PTPRB: variants seen among roughly 807,000 people sequenced by gnomAD.
PTPRB encodes protein tyrosine phosphatase receptor type B.
Under a neutral mutation model 238.1 loss-of-function variants are expected in PTPRB, and 97 were observed. That is an observed-to-expected ratio of 0.41 (90% CI 0.35 to 0.48). PTPRB has a LOEUF of 0.48. Among genes scored for constraint, PTPRB ranks in the 20% least tolerant of loss-of-function variants. The probability of loss-of-function intolerance (pLI) is 0.30; values close to 1 mark genes in which losing one functional copy is unlikely to be tolerated. For missense variants in PTPRB, 2,292 were observed against 2,681.9 expected (o/e 0.85, Z 3.21); for synonymous variants, 970 against 995.4 (o/e 0.97, Z 0.48).
chr12:70,631,123 C>T (rs1310074280), intron 2 of PTPRB, among the ~76,000 whole-genome samples: 1 of 152,132 alleles, frequency 6.6e-6, no homozygotes, highest in East Asian at 1.9e-4. Flanking sequence ...ATAGCCAAGA[C>T]AATCCTAAGC....
chr12:70,555,498 G>C (rs970766578), intron 19 of PTPRB, among the ~76,000 whole-genome samples, 189 bp from the exon 20 acceptor site: 1 of 152,194 alleles, frequency 6.6e-6, no homozygotes, highest in African/African-American at 2.4e-5. Context: ...CAGAGGAAGT[G>C]ATTTGCCAGT....
chr12:70,620,048 CTG>C (rs1884858559), intron 3 of PTPRB, among the ~76,000 whole-genome samples: 1 of 152,182 alleles, frequency 6.6e-6, no homozygotes, highest in African/African-American at 2.4e-5. Flanking sequence ...ATTGTAGAAA[CTG>C]TCTTTTGAAA....
rs1879978227 is a variant in PTPRB at position 70,571,060 on chromosome 12, A to G, written c.3336T>C (p.Asp1112=). The change falls in exon 13 of 34, where the codon GAT becomes GAC. Residue 1112 remains aspartate, a synonymous_variant. Coordinates refer to ENST00000334414, the MANE Select transcript of PTPRB (RefSeq NM_001109754.4). ...YKILVLTISG[D]VQQSAFIEGF... Reference sequence around the variant, plus strand: ...CCTCAATGAAGGCTGACTGCTGTACATCCCCGCTAATCGTCAAGACAAGAA... The same window carrying G: ...CCTCAATGAAGGCTGACTGCTGTACGTCCCCGCTAATCGTCAAGACAAGAA... 1.2e-6 allele frequency: 2 copies of G among 1,614,016 alleles called. No homozygotes were observed. The highest frequency in any genetic ancestry group is 1.1e-5 in the South Asian group (1 of 91,080).
intron 2 of PTPRB, among the ~76,000 whole-genome samples, chr12:70,634,134 T>C (rs1885579551): frequency 1.3e-5 from 2 of 152,212 alleles, no homozygotes; most frequent in Admixed American, 6.5e-5. Flanking sequence ...ATACCACTTA[T>C]TGTAGAAAAG....
chr12:70,603,313 T>C (rs117659714), intron 4 of PTPRB, among the ~76,000 whole-genome samples: 4,406 of 152,300 alleles, frequency 0.029, 97 homozygotes, highest in Non-Finnish European at 0.042. Context: ...CAGAGATCAA[T>C]AGTGACTCGC....
intron 13 of PTPRB, among the ~76,000 whole-genome samples, chr12:70,570,143 G>A (rs928783881): frequency 6.6e-6 from 1 of 152,130 alleles, no homozygotes; most frequent in Non-Finnish European, 1.5e-5. Flanking sequence ...CAAAGCCGGT[G>A]AGTGGAAATG....
intron 9 of PTPRB, among the ~76,000 whole-genome samples, 152 bp downstream of exon 9, chr12:70,586,855 A>G (rs1478576733): frequency 6.6e-6 from 1 of 152,242 alleles, no homozygotes; most frequent in Non-Finnish European, 1.5e-5. Flanking sequence ...AAGAACTGCA[A>G]TTGGTAAAAT....
In PTPRB at chr12:70,539,638, G is replaced by T. The variant is rs724159872; in HGVS notation, c.5765C>A (p.Ser1922Tyr). 6.4e-7 allele frequency: 1 copy of T among 1,564,058 alleles called. No homozygotes were observed. Among genetic ancestry groups the T allele is most frequent in the Non-Finnish European group, 8.7e-7 (1 of 1,146,588 alleles). ...CCTGAGTTGTACCTCGTATTCCTTG[G>T]ATAGAAGGTAGTTGGAGTCAGCCTG... ...KLQADSNYLL[S>Y]KEYEELKDVG... The change falls in exon 26 of 34, where the codon TCC becomes TAC. Residue 1922 changes from serine to tyrosine, a missense_variant. This residue lies in a region of PTPRB where 397 missense variants were observed against 502.0 expected (regional missense o/e 0.79). Transcript: ENST00000334414.
intron 4 of PTPRB, among the ~76,000 whole-genome samples, chr12:70,606,054 CA>C (rs1883915905): frequency 6.6e-6 from 1 of 152,100 alleles, no homozygotes; most frequent in Non-Finnish European, 1.5e-5. Context: ...TGAGAATTGC[CA>C]AATATCTTGT....
intron 2 of PTPRB, among the ~76,000 whole-genome samples, chr12:70,633,569 T>C (rs1030626154): frequency 3.9e-5 from 6 of 152,366 alleles, no homozygotes; most frequent in South Asian, 4.1e-4. Context: ...GTTATACTTA[T>C]GTGTACTCAA....
chr12:70,623,354 AC>A (rs1252977609), intron 2 of PTPRB, among the ~76,000 whole-genome samples: 5 of 152,310 alleles, frequency 3.3e-5, no homozygotes, highest in East Asian at 1.9e-4. Flanking sequence ...ATTAAAAAAA[AC>A]ATACTGGTTC....
intron 3 of PTPRB, among the ~76,000 whole-genome samples, chr12:70,620,121 GA>G (rs910027453): frequency 1.3e-5 from 2 of 152,150 alleles, no homozygotes; most frequent in Non-Finnish European, 2.9e-5. Flanking sequence ...TAAGCTTCAA[GA>G]AAAAAACTGG....
chr12:70,601,877 C>G (rs11178320), intron 4 of PTPRB, among the ~76,000 whole-genome samples: 32,096 of 148,792 alleles, frequency 0.22, 3,579 homozygotes, highest in East Asian at 0.28. Context: ...CTGCAAGCTC[C>G]GCCTCCCAGG....
intron 3 of PTPRB, among the ~76,000 whole-genome samples, chr12:70,610,332 C>G (rs1884363815): frequency 6.6e-6 from 1 of 152,108 alleles, no homozygotes; most frequent in Non-Finnish European, 1.5e-5. Context: ...CTGTGGTTCT[C>G]GACCCAGTCG....
At position 70,540,270 on chromosome 12, in the gene PTPRB, A is replaced by G; in HGVS notation, c.5595-248T>C. The G allele has an allele frequency of 7.5e-6, 3 of 398,950 alleles. No individual in the cohort carries two copies. In the East Asian group the frequency reaches 1.1e-4, roughly 15 times the overall value. The allele number at this position is 398,950 out of a possible 1,614,324, so 24.7% of individuals were successfully genotyped here. On this transcript the variant is annotated intron_variant, in intron 23 of 33. Coordinates refer to ENST00000334414, the MANE Select transcript of PTPRB (RefSeq NM_001109754.4). ...TGGTTTTTGGCTACAGGTTATAATC[A>G]CTTCCCACATTCTCAATAAAACTTT...
chr12:70,558,174 T>C (rs1402026328), intron 18 of PTPRB, among the ~76,000 whole-genome samples: 2 of 152,164 alleles, frequency 1.3e-5, no homozygotes, highest in Admixed American at 6.5e-5. Context: ...AGTTCTGCCC[T>C]GGGTTTGGTA....
chr12:70,580,541 C>G (rs1016935845), intron 10 of PTPRB, among the ~76,000 whole-genome samples: 1 of 152,162 alleles, frequency 6.6e-6, no homozygotes, highest in South Asian at 2.1e-4. Flanking sequence ...AATATTCAGC[C>G]AGGAGTGGTG....
At chr12:70,632,404 G>T (rs1316035909) in intron 2 of PTPRB, among the ~76,000 whole-genome samples, 1 of 151,638 alleles carries the variant, frequency 6.6e-6, no homozygotes, top group African/African-American at 2.4e-5. Flanking sequence ...CAGGGCAGGA[G>T]ACATCACACA....
chr12:70,556,103 G>T lies in PTPRB; in HGVS notation c.4760C>A (p.Thr1587Lys). The T allele has an allele frequency of 6.2e-7, 1 of 1,613,710 alleles. No individual in the cohort carries two copies. The highest frequency in any genetic ancestry group is 8.5e-7 in the Non-Finnish European group (1 of 1,179,664). Reference sequence around the variant, plus strand: ...AGGGATCCAAGAACAGGCAATGGCCGTGGAGTTCTGAGGCCGGCAATGCAG... The same window carrying T: ...AGGGATCCAAGAACAGGCAATGGCCTTGGAGTTCTGAGGCCGGCAATGCAG... ...QNLHCRPQNS[T>K]AIACSWIPPD... Residue 1587 changes from threonine to lysine, a missense_variant, in exon 19 of 34, where the codon ACG becomes AAG. Coordinates refer to ENST00000334414, the MANE Select transcript of PTPRB (RefSeq NM_001109754.4).
Sources: gnomAD v4.1 joint callset for allele counts (sites outside exome capture counted in the v4.1 genomes callset) on GRCh38, gnomAD v4.1.1 for gene constraint, gnomAD v4.1.1 regional missense constraint, MANE v1.5 for transcripts, NCBI Gene and HGNC (gene_info 2026-07-23, HGNC 2026-07-21) for gene names.